The following TMEM132D variants were observed in gnomAD, a reference collection of about 807,000 sequenced individuals.
TMEM132D encodes transmembrane protein 132D, also known as mature OL transmembrane protein.
TMEM132D carries 21 observed loss-of-function variants against 62.3 expected under a neutral mutation model. The observed-to-expected ratio is 0.34, with a 90% CI of 0.24 to 0.49. TMEM132D has a LOEUF of 0.49. Ranked by LOEUF, TMEM132D falls within the 20% of genes least tolerant of loss-of-function variation. TMEM132D has a pLI of 0.99. For missense variants in TMEM132D, 1,346 were observed against 1,402.8 expected, an observed-to-expected ratio of 0.96 and a Z score of 0.65; for synonymous variants, 621 against 575.6, an observed-to-expected ratio of 1.08 and a Z score of -1.13.
At chr12:129,622,113 A>AG (rs1565926280) in intron 2 of TMEM132D, among the ~76,000 whole-genome samples, 36 of 152,134 alleles carry the variant, frequency 2.4e-4, no homozygotes, top group Admixed American at 9.2e-4. Context: ...AGAGACACAC[A>AG]TAAAATCCAG....
intron 3 of TMEM132D, among the ~76,000 whole-genome samples, chr12:129,486,564 A>C (rs1436972924): frequency 6.6e-6 from 1 of 152,114 alleles, no homozygotes; most frequent in Non-Finnish European, 1.5e-5. Context: ...TAAGATAATA[A>C]TGATAGTAAT....
intron 1 of TMEM132D, among the ~76,000 whole-genome samples, chr12:129,838,974 C>T (rs1056017608): frequency 2.1e-4 from 30 of 141,258 alleles, no homozygotes; most frequent in African/African-American, 7.7e-4. Context: ...TTTTTTGAGA[C>T]GAAGTCTCCC....
In TMEM132D at chr12:129,780,604, T is replaced by C. The variant is rs1040304955; in HGVS notation, c.80-79906A>G. Reference sequence around the variant, plus strand: ...CAAACTTTGCTTTACTTGCCTGGCTTTGAGGGCACTTGAGTTTATGACCCA... The same window carrying C: ...CAAACTTTGCTTTACTTGCCTGGCTCTGAGGGCACTTGAGTTTATGACCCA... On this transcript the variant is annotated intron_variant, in intron 1 of 8. Transcript: ENST00000422113. 1.4e-4 allele frequency among the ~76,000 whole-genome samples: 22 copies of C among 152,020 alleles called. 1 individual carries two copies. The highest frequency in any genetic ancestry group is 5.1e-4 in the African/African-American group (21 of 41,390).
chr12:129,287,550 C>T (rs1881334836), intron 4 of TMEM132D, among the ~76,000 whole-genome samples: 1 of 152,124 alleles, frequency 6.6e-6, no homozygotes, highest in Non-Finnish European at 1.5e-5. Context: ...TACTTTTGCA[C>T]CAACCTAGTA....
At chr12:129,119,151 A>G (rs1593267573) in intron 5 of TMEM132D, among the ~76,000 whole-genome samples, 1 of 152,252 alleles carries the variant, frequency 6.6e-6, no homozygotes, top group Non-Finnish European at 1.5e-5. Context: ...ACTTCAGCTT[A>G]TAAAGTCAAA....
In TMEM132D at chr12:129,512,610, G is replaced by A. The variant is rs184398124; in HGVS notation, c.1115+18449C>T. Among the ~76,000 whole-genome samples, 321 of 152,302 alleles carry A rather than the reference G, an allele frequency of 2.1e-3. 2 individuals are homozygous for A. Among genetic ancestry groups the A allele is most frequent in the African/African-American group, 7.3e-3 (303 of 41,562 alleles). ...GGAGCAGCTTAGCTGGATTGTTTTA[G>A]CTCATGAGTTATCATCTGATGTTGG... is the stretch of plus-strand genomic sequence containing the variant. On this transcript the variant is annotated intron_variant, in intron 3 of 8. Coordinates refer to ENST00000422113, the MANE Select transcript of TMEM132D (RefSeq NM_133448.3).
intron 3 of TMEM132D, among the ~76,000 whole-genome samples, chr12:129,423,209 T>C (rs1037050452): frequency 1.3e-5 from 2 of 152,154 alleles, no homozygotes; most frequent in East Asian, 3.9e-4. Context: ...TAGAGTCACA[T>C]GTCTGACATT....
chr12:129,101,410 T>C (rs1875305097), intron 5 of TMEM132D, among the ~76,000 whole-genome samples: 1 of 152,132 alleles, frequency 6.6e-6, no homozygotes, highest in Non-Finnish European at 1.5e-5. Flanking sequence ...AGCTCAGTGG[T>C]CTCCAGTTAC....
intron 5 of TMEM132D, among the ~76,000 whole-genome samples, chr12:129,200,664 C>T (rs1294113303): frequency 1.3e-5 from 2 of 152,176 alleles, no homozygotes; most frequent in African/African-American, 4.8e-5. Flanking sequence ...CCTGTGGCTG[C>T]GCAGGTTGTC....
rs559081749 is a variant in TMEM132D at position 129,598,928 on chromosome 12, C to T, written c.969-67723G>A. 7.9e-5 allele frequency among the ~76,000 whole-genome samples: 12 copies of T among 152,282 alleles called. No homozygotes were observed. In the South Asian group the frequency reaches 2.5e-3, roughly 32 times the overall value. On this transcript the variant is annotated intron_variant, in intron 2 of 8. Coordinates refer to ENST00000422113, the MANE Select transcript of TMEM132D (RefSeq NM_133448.3). ...CCTGGCTGCTCAGACCATCTCATGG[C>T]ACTGCATTGTAACTTGCTTAGAAAT... is the stretch of plus-strand genomic sequence containing the variant.
In TMEM132D at chr12:129,073,655, A is replaced by G; in HGVS notation, c.*220T>C. 2 of 426,902 alleles carry G rather than the reference A, an allele frequency of 4.7e-6. No individual in the cohort carries two copies. The highest frequency in any genetic ancestry group is 3.4e-5 in the East Asian group (1 of 29,356). The allele number at this position is 426,902 out of a possible 1,614,324, so 26.4% of individuals were successfully genotyped here. A position where few individuals can be genotyped will look rare whatever the true frequency, so the allele number is the denominator to read the frequency against. ...TCAAGTCTTAAAAATCTTGCCATGC[A>G]TGATAAACCTCTTAAGCAAGACACT... On this transcript the variant is annotated 3_prime_UTR_variant, in exon 9 of 9. Coordinates refer to ENST00000422113, the MANE Select transcript of TMEM132D (RefSeq NM_133448.3).
At chr12:129,151,381 C>T (rs561315212) in intron 5 of TMEM132D, among the ~76,000 whole-genome samples, 72 of 152,284 alleles carry the variant, frequency 4.7e-4, no homozygotes, top group Admixed American at 1.3e-3. Flanking sequence ...GGGTTAGATA[C>T]CCAGTGAGCA....
chr12:129,465,902 C>T (rs929793289), intron 3 of TMEM132D, among the ~76,000 whole-genome samples: 11 of 152,086 alleles, frequency 7.2e-5, no homozygotes, highest in Non-Finnish European at 1.3e-4. Flanking sequence ...AGGCTGGTGT[C>T]GAATTCCTGA....
At chr12:129,344,126 G>A (rs987794225) in intron 3 of TMEM132D, among the ~76,000 whole-genome samples, 4 of 151,936 alleles carry the variant, frequency 2.6e-5, no homozygotes, top group East Asian at 3.9e-4. Flanking sequence ...CTGTCCTTTC[G>A]CCACTTTACT....
chr12:129,364,964 A>G (rs150305516), intron 3 of TMEM132D, among the ~76,000 whole-genome samples: 60 of 152,352 alleles, frequency 3.9e-4, no homozygotes, highest in African/African-American at 1.3e-3. Context: ...AATGATCATC[A>G]CTATCAATTA....
intron 4 of TMEM132D, among the ~76,000 whole-genome samples, chr12:129,308,802 A>G (rs1298075132): frequency 6.6e-6 from 1 of 152,228 alleles, no homozygotes; most frequent in African/African-American, 2.4e-5. Context: ...ACTTATAGAG[A>G]ATATTTGATG....
At chr12:129,570,745 T>G (rs1877489513) in intron 2 of TMEM132D, among the ~76,000 whole-genome samples, 2 of 152,254 alleles carry the variant, frequency 1.3e-5, no homozygotes, top group Non-Finnish European at 2.9e-5. Flanking sequence ...GTGGTTGTTA[T>G]TCGTATTTAT....
Position 129,903,247 on chromosome 12 carries a change from C to A in TMEM132D, c.79+14G>T. 1.3e-6 allele frequency: 2 copies of A among 1,551,752 alleles called. No individual in the cohort carries two copies. Among genetic ancestry groups the A allele is most frequent in the South Asian group, 1.2e-5 (1 of 84,070 alleles). On this transcript the variant is annotated intron_variant, in intron 1 of 8. Transcript: ENST00000422113. The surrounding 1 kb of genome is among the most constrained non-coding windows in gnomAD (Gnocchi z 6.2). ...AAGTTAGTCCCCGGGCCCTGGCGGCCGCGGCGTCCTCACCTTTGGAAAACA... is the reference window on the plus strand; with the variant it reads ...AAGTTAGTCCCCGGGCCCTGGCGGCAGCGGCGTCCTCACCTTTGGAAAACA...
intron 3 of TMEM132D, among the ~76,000 whole-genome samples, chr12:129,382,036 C>T (rs12812629): frequency 0.038 from 5,778 of 152,272 alleles, 139 homozygotes; most frequent in Non-Finnish European, 0.06. Context: ...CTCATTCTAC[C>T]GTGTCCTTTA....
Sources: allele counts gnomAD v4.1 joint callset (sites outside exome capture counted in the v4.1 genomes callset), GRCh38; gene constraint gnomAD v4.1.1; non-coding constraint Gnocchi (gnomAD v3.1); transcripts MANE v1.5; gene names NCBI Gene and HGNC (gene_info 2026-07-23, HGNC 2026-07-21).